Variants in PLPP4 observed in about 807,000 individuals in gnomAD.
The protein encoded by PLPP4 is phospholipid phosphatase 4.
PLPP4 carries 20 observed loss-of-function variants against 32.2 expected under a neutral mutation model. The observed-to-expected ratio is 0.62, with a 90% CI of 0.44 to 0.90. The LOEUF is 0.90. Ranked by LOEUF, PLPP4 falls within the 40% of genes least tolerant of loss-of-function variation. The probability of loss-of-function intolerance (pLI) is 0.00; values close to 1 mark genes in which losing one functional copy is unlikely to be tolerated. For synonymous variants in PLPP4, 127 were observed against 133.0 expected, an observed-to-expected ratio of 0.95 and a Z score of 0.31; for missense variants, 257 against 353.1, an observed-to-expected ratio of 0.73 and a Z score of 2.18.
chr10:120,537,019 T>A (rs970300119), intron 5 of PLPP4, among the ~76,000 whole-genome samples: 6 of 152,192 alleles, frequency 3.9e-5, no homozygotes, highest in Non-Finnish European at 5.9e-5. Flanking sequence ...GGATGGCTAT[T>A]ATCAAATAGA....
At chr10:120,522,820 G>C (rs1213696003) in intron 5 of PLPP4, among the ~76,000 whole-genome samples, 1 of 152,142 alleles carries the variant, frequency 6.6e-6, no homozygotes, top group Non-Finnish European at 1.5e-5. Context: ...ATGGTAACTT[G>C]TTTGACTGTC....
chr10:120,486,872 C>A (rs1218798747), intron 1 of PLPP4, among the ~76,000 whole-genome samples: 4 of 152,198 alleles, frequency 2.6e-5, no homozygotes, highest in Non-Finnish European at 4.4e-5. Flanking sequence ...ACTTTGCCTG[C>A]CTTAAGGTCA....
rs148710815 is a variant in PLPP4 at position 120,557,267 on chromosome 10, A to C, written c.446-17864A>C. On this transcript the variant is annotated intron_variant, in intron 5 of 6. Coordinates refer to ENST00000398250, the MANE Select transcript of PLPP4 (RefSeq NM_001030059.3). ...TGAAGCTTGAAATATGTTTTGGTGTAAGATCTGTAACAGGTAACCTGGCCA... is the reference window on the plus strand; with the variant it reads ...TGAAGCTTGAAATATGTTTTGGTGTCAGATCTGTAACAGGTAACCTGGCCA... Among the ~76,000 whole-genome samples, 490 of 152,294 alleles carry C rather than the reference A, an allele frequency of 3.2e-3. 6 individuals are homozygous for C. The highest frequency in any genetic ancestry group is 0.011 in the African/African-American group (467 of 41,560).
intron 1 of PLPP4, among the ~76,000 whole-genome samples, chr10:120,484,320 C>G (rs778166873): frequency 5.3e-5 from 8 of 152,172 alleles, no homozygotes; most frequent in Non-Finnish European, 8.8e-5. Context: ...CTGTCTTAGT[C>G]TGTTTTATGC....
rs920121159 is a variant in PLPP4, at chr10:120,591,055, C to G, written c.*1553C>G. 3.3e-5 allele frequency among the ~76,000 whole-genome samples: 5 copies of G among 152,286 alleles called. No homozygotes were observed. The highest frequency in any genetic ancestry group is 2.6e-4 in the Admixed American group (4 of 15,298). ...AAGTGCTGGGATTATAAGCGTGAGC[C>G]ACTGCACCTGGCCAAGAGTGTTGCT... On this transcript the variant is annotated 3_prime_UTR_variant, in exon 7 of 7. Coordinates refer to ENST00000398250, the MANE Select transcript of PLPP4 (RefSeq NM_001030059.3).
At chr10:120,558,879 C>T (rs1168431732) in intron 5 of PLPP4, among the ~76,000 whole-genome samples, 1 of 152,102 alleles carries the variant, frequency 6.6e-6, no homozygotes, top group Non-Finnish European at 1.5e-5. Context: ...AAATATAACT[C>T]TCAGATAAAT....
intron 5 of PLPP4, among the ~76,000 whole-genome samples, chr10:120,564,327 A>G (rs1413974978): frequency 1.3e-5 from 2 of 152,030 alleles, no homozygotes; most frequent in Admixed American, 6.5e-5. Context: ...ATGGTCAGAT[A>G]GAGATCTATA....
chr10:120,560,520 C>T (rs753726586), intron 5 of PLPP4, among the ~76,000 whole-genome samples: 3 of 152,012 alleles, frequency 2.0e-5, no homozygotes, highest in Non-Finnish European at 2.9e-5. Context: ...TTTGGGAGGC[C>T]GAGGCAGGCA....
intron 3 of PLPP4, 71 bp from the exon 4 acceptor site, chr10:120,518,762 G>T (rs1340120674): frequency 1.7e-6 from 2 of 1,165,814 alleles, no homozygotes; most frequent in Non-Finnish European, 1.3e-6. Context: ...TGATGATGAT[G>T]ATAATGATGA....
intron 2 of PLPP4, among the ~76,000 whole-genome samples, chr10:120,512,658 C>A (rs960454216): frequency 6.6e-6 from 1 of 152,018 alleles, no homozygotes; most frequent in Non-Finnish European, 1.5e-5. Context: ...GCTAAAAATA[C>A]AAAAATTAGC....
At chr10:120,528,660 T>C (rs1185655282) in intron 5 of PLPP4, among the ~76,000 whole-genome samples, 1 of 152,058 alleles carries the variant, frequency 6.6e-6, no homozygotes, top group Non-Finnish European at 1.5e-5. Flanking sequence ...TTTTGCCAAA[T>C]AAAGGAAGAC....
intron 1 of PLPP4, among the ~76,000 whole-genome samples, chr10:120,465,035 T>TTTCATAAC (rs2133780311): frequency 6.6e-6 from 1 of 152,328 alleles, no homozygotes; most frequent in African/African-American, 2.4e-5. Context: ...AAGCATATGG[T>TTTCATAAC]TTCATAACTT....
chr10:120,535,526 C>T (rs545249506), intron 5 of PLPP4, among the ~76,000 whole-genome samples: 22 of 151,944 alleles, frequency 1.4e-4, no homozygotes, highest in Non-Finnish European at 2.8e-4. Context: ...CTTATTCTAT[C>T]GGTCACTGAG....
At chr10:120,541,978 A>T (rs943927633) in intron 5 of PLPP4, among the ~76,000 whole-genome samples, 1 of 152,172 alleles carries the variant, frequency 6.6e-6, no homozygotes, top group Non-Finnish European at 1.5e-5. Flanking sequence ...GGATTTCACC[A>T]TGTTGGCCAG....
At chr10:120,467,063 A>G (rs1848357834) in intron 1 of PLPP4, among the ~76,000 whole-genome samples, 1 of 152,098 alleles carries the variant, frequency 6.6e-6, no homozygotes, top group Admixed American at 6.6e-5. Flanking sequence ...AGAAATTGCC[A>G]GTATATAAGT....
intron 1 of PLPP4, among the ~76,000 whole-genome samples, chr10:120,487,513 A>G (rs1199180183): frequency 6.6e-6 from 1 of 152,252 alleles, no homozygotes; most frequent in Non-Finnish European, 1.5e-5. Context: ...GAGAAGCAAC[A>G]TTTGATTTAT....
At chr10:120,471,878 G>A (rs570932661) in intron 1 of PLPP4, among the ~76,000 whole-genome samples, 216 of 151,862 alleles carry the variant, frequency 1.4e-3, no homozygotes, top group Non-Finnish European at 2.6e-3. Context: ...ATATTGAATT[G>A]TTAGCTATAT....
intron 5 of PLPP4, among the ~76,000 whole-genome samples, chr10:120,569,245 A>AT (rs1364227784): frequency 1.3e-5 from 2 of 151,762 alleles, no homozygotes; most frequent in African/African-American, 4.8e-5. Context: ...TCTCAAAAAA[A>AT]AAAAAAAATT....
At chr10:120,491,815 A>ACAACAACAACAAAACC (rs140866556) in intron 1 of PLPP4, among the ~76,000 whole-genome samples, 4 of 152,082 alleles carry the variant, frequency 2.6e-5, no homozygotes, top group Non-Finnish European at 5.9e-5. Context: ...ATCTCTAAGA[A>ACAACAACAACAAAACC]CAACAACAAC....
Sources: allele counts gnomAD v4.1 joint callset (sites outside exome capture counted in the v4.1 genomes callset), GRCh38; gene constraint gnomAD v4.1.1; transcripts MANE v1.5; gene names NCBI Gene and HGNC (gene_info 2026-07-23, HGNC 2026-07-21).